Variants in THSD7B observed in about 807,000 individuals in gnomAD.
THSD7B encodes the protein thrombospondin type-1 domain-containing protein 7B.
THSD7B carries 138 observed loss-of-function variants against 213.6 expected under a neutral mutation model. The observed-to-expected ratio is 0.65, with a 90% CI of 0.56 to 0.74. The LOEUF (loss-of-function observed/expected upper bound fraction) is 0.74, where lower values mean the gene tolerates loss of function less well. THSD7B is among the 30% of genes least tolerant of loss of function. THSD7B has a pLI of 0.00. For synonymous variants in THSD7B, 742 were observed against 687.0 expected, an observed-to-expected ratio of 1.08 and a Z score of -1.25; for missense variants, 1,931 against 1,991.5, an observed-to-expected ratio of 0.97 and a Z score of 0.58.
At chr2:136,825,356 A>G (rs987863661) in intron 1 of THSD7B, among the ~76,000 whole-genome samples, 13 of 152,136 alleles carry the variant, frequency 8.5e-5, no homozygotes, top group Admixed American at 7.2e-4. Flanking sequence ...TATTGAGAGG[A>G]CACCTGTGTT....
intron 15 of THSD7B, among the ~76,000 whole-genome samples, chr2:137,520,230 C>A (rs1446164379): frequency 1.3e-5 from 2 of 151,982 alleles, no homozygotes; most frequent in Non-Finnish European, 1.5e-5. Flanking sequence ...GAAAAAAAAG[C>A]TCTTGGATTC....
At chr2:137,349,239 T>C (rs567011165) in intron 12 of THSD7B, among the ~76,000 whole-genome samples, 1 of 151,914 alleles carries the variant, frequency 6.6e-6, no homozygotes, top group Non-Finnish European at 1.5e-5. Context: ...TCAAACTTAC[T>C]AATGTTCCCT....
chr2:137,481,238 A>T lies in THSD7B; in HGVS notation c.3138+30215A>T, dbSNP rs549157007. ...TACAAACATACTAAGACTTATGCAT[A>T]CAACTCTTAGTTAAGACATATACAT... On this transcript the variant is annotated intron_variant, in intron 15 of 27. Transcript: ENST00000409968. 2.6e-5 allele frequency among the ~76,000 whole-genome samples: 4 copies of T among 152,370 alleles called. No homozygotes were observed. In the South Asian group the frequency reaches 8.3e-4, roughly 32 times the overall value.
chr2:137,390,157 C>A (rs1200201518), intron 12 of THSD7B, among the ~76,000 whole-genome samples: 8 of 152,160 alleles, frequency 5.3e-5, no homozygotes, highest in Non-Finnish European at 1.2e-4. Context: ...GTCGTTCTTA[C>A]AATATTAATT....
intron 10 of THSD7B, among the ~76,000 whole-genome samples, chr2:137,270,530 G>A (rs549977621): frequency 1.9e-4 from 29 of 152,274 alleles, no homozygotes; most frequent in African/African-American, 6.5e-4. Context: ...GCCATTAGTG[G>A]AGGACATTAG....
intron 15 of THSD7B, among the ~76,000 whole-genome samples, chr2:137,527,153 A>G (rs939752621): frequency 2.2e-4 from 34 of 152,200 alleles, no homozygotes; most frequent in African/African-American, 8.2e-4. Flanking sequence ...AGTTTAAAAC[A>G]AGCATTTTAA....
intron 21 of THSD7B, among the ~76,000 whole-genome samples, chr2:137,646,584 G>A (rs1017576015): frequency 6.0e-5 from 9 of 150,190 alleles, no homozygotes; most frequent in African/African-American, 1.5e-4. Context: ...CCTGGGAGGC[G>A]GAGGTTGGAG....
intron 12 of THSD7B, among the ~76,000 whole-genome samples, chr2:137,292,098 G>C (rs1422773979): frequency 1.3e-5 from 2 of 152,110 alleles, no homozygotes; most frequent in Non-Finnish European, 2.9e-5. Flanking sequence ...GAAGGGAAGT[G>C]TTGGCTTCAC....
chr2:137,195,343 G>A (rs1680739224), intron 7 of THSD7B, among the ~76,000 whole-genome samples: 2 of 151,794 alleles, frequency 1.3e-5, no homozygotes, highest in African/African-American at 4.8e-5. Flanking sequence ...TGCCACTTCA[G>A]TAGCAACAAG....
chr2:137,262,613 G>T (rs1682479114), intron 10 of THSD7B, among the ~76,000 whole-genome samples: 1 of 152,242 alleles, frequency 6.6e-6, no homozygotes, highest in African/African-American at 2.4e-5. Context: ...TAGCTAGAGG[G>T]CAGGTCGTAT....
Position 137,316,084 on chromosome 2 carries a change from A to C in THSD7B, c.2500+40058A>C, listed in dbSNP as rs569802555. ...TCATCACAGAATTATTACTTGGGTA[A>C]TACAATTACTTCAGCAGGATAGATC... On this transcript the variant is annotated intron_variant, in intron 12 of 27. Coordinates refer to ENST00000409968, the MANE Select transcript of THSD7B (RefSeq NM_001316349.2). Among the ~76,000 whole-genome samples the C allele has an allele frequency of 3.3e-5, 5 of 152,334 alleles. No individual in the cohort carries two copies. The South Asian group carries it at 1.0e-3, about 32-fold the overall frequency.
chr2:137,655,147 T>G (rs1272760465), intron 21 of THSD7B, among the ~76,000 whole-genome samples: 1 of 152,228 alleles, frequency 6.6e-6, no homozygotes, highest in Non-Finnish European at 1.5e-5. Flanking sequence ...TTATGCCCTG[T>G]AACTTTATAT....
At chr2:136,802,679 A>ATATATATATATATG (rs1387722450) in intron 1 of THSD7B, among the ~76,000 whole-genome samples, 1 of 129,302 alleles carries the variant, frequency 7.7e-6, no homozygotes, top group Non-Finnish European at 1.6e-5. Flanking sequence ...ATATATATAT[A>ATATATATATATATG]TATGTAGTAT....
chr2:137,298,518 A>G (rs1683520320), intron 12 of THSD7B, among the ~76,000 whole-genome samples: 1 of 151,892 alleles, frequency 6.6e-6, no homozygotes, highest in South Asian at 2.1e-4. Flanking sequence ...CCATGGGGAA[A>G]ATGTCTCCAG....
intron 12 of THSD7B, among the ~76,000 whole-genome samples, chr2:137,383,867 A>T (rs907232436): frequency 2.6e-5 from 4 of 152,154 alleles, no homozygotes; most frequent in Admixed American, 2.6e-4. Flanking sequence ...GACACCTGCT[A>T]AAACTGATTT....
chr2:136,766,587 G>A (rs1681399377), intron 1 of THSD7B, among the ~76,000 whole-genome samples: 1 of 152,172 alleles, frequency 6.6e-6, no homozygotes, highest in Admixed American at 6.5e-5. Context: ...GTTGAGGAGG[G>A]GGCGTTAAGC....
chr2:137,228,100 T>C (rs578136788), intron 7 of THSD7B, among the ~76,000 whole-genome samples: 5 of 152,050 alleles, frequency 3.3e-5, no homozygotes, highest in Admixed American at 6.5e-5. Context: ...ATACACTTAA[T>C]TGAGTCTGGC....
chr2:137,180,256 G>A (rs777843307), intron 7 of THSD7B, among the ~76,000 whole-genome samples: 2 of 152,142 alleles, frequency 1.3e-5, no homozygotes, highest in Non-Finnish European at 2.9e-5. Context: ...TCAACAGTGT[G>A]AGCACTGGCT....
intron 12 of THSD7B, among the ~76,000 whole-genome samples, chr2:137,341,955 A>G (rs540144548): frequency 2.6e-5 from 4 of 151,294 alleles, no homozygotes; most frequent in African/African-American, 9.7e-5. Flanking sequence ...TCATGATTGT[A>G]TTGGCTATTC....
Sources: gnomAD v4.1 joint callset for allele counts (sites outside exome capture counted in the v4.1 genomes callset) on GRCh38, gnomAD v4.1.1 for gene constraint, MANE v1.5 for transcripts, NCBI Gene and HGNC (gene_info 2026-07-23, HGNC 2026-07-21) for gene names.